The following NAB2 variants were observed in gnomAD, a reference collection of about 807,000 sequenced individuals.
The protein encoded by NAB2 is NGFI-A-binding protein 2.
In NAB2, 9 loss-of-function variants were observed where a neutral mutation model predicts 44.2. The ratio of observed to expected loss-of-function variants is 0.20; its 90% CI spans 0.12 to 0.36. The LOEUF (loss-of-function observed/expected upper bound fraction) is 0.36, where lower values mean the gene tolerates loss of function less well. Ranked by LOEUF, NAB2 falls within the 10% of genes least tolerant of loss-of-function variation. NAB2 has a pLI of 1.00. For synonymous variants in NAB2, 342 were observed against 291.0 expected, an observed-to-expected ratio of 1.18 and a Z score of -1.78; for missense variants, 514 against 709.0, an observed-to-expected ratio of 0.73 and a Z score of 3.12.
In NAB2 at chr12:57,091,815, G is replaced by A. The variant is rs756600654; in HGVS notation, c.774G>A (p.Arg258=). The A allele has an allele frequency of 2.5e-6, 4 of 1,614,092 alleles. No individual in the cohort carries two copies. The African/African-American group carries it at 4.0e-5, about 16-fold the overall frequency. The change falls in exon 2 of 7, where the codon AGG becomes AGA. Residue 258 remains arginine, a synonymous_variant. Coordinates refer to ENST00000300131, the MANE Select transcript of NAB2 (RefSeq NM_005967.4). This position sits in a 1 kb window ranked among gnomAD's most constrained non-coding sequence, Gnocchi z 7.3. ...AGAGGATCTTCCGGAGCTTCCCAAG[G>A]GGGGATGCTGGGGAGGTCACATCCC... is the stretch of plus-strand genomic sequence containing the variant. The part of the protein sequence containing the change: ...SVERIFRSFP[R]GDAGEVTSLL...
chr12:57,092,321 T>C, intron 2 of NAB2, 127 bp from the exon 3 acceptor site: 4 of 1,362,524 alleles, frequency 2.9e-6, no homozygotes, highest in East Asian at 2.3e-5. Flanking sequence ...TCCCATGTAG[T>C]GTCAAAACCA....
rs147044725 is a variant in NAB2, at chr12:57,092,080, G to A, written c.957+82G>A. ...ACCTCTGCGAGTTTCTACAGTCTCC[G>A]ACTATCTTTCATTATCTCTTGACCA... is the stretch of plus-strand genomic sequence containing the variant. On this transcript the variant is annotated intron_variant, in intron 2 of 6. Coordinates refer to ENST00000300131, the MANE Select transcript of NAB2 (RefSeq NM_005967.4). The A allele has an allele frequency of 1.4e-3, 2,109 of 1,513,694 alleles. 24 individuals carry two copies. In the African/African-American group the frequency reaches 0.021, roughly 15 times the overall value. The allele number at this position is 1,513,694 out of a possible 1,614,324, so 93.8% of individuals were successfully genotyped here.
At chr12:57,089,570 C>T (rs927923099) in intron 1 of NAB2, among the ~76,000 whole-genome samples, 24 of 152,112 alleles carry the variant, frequency 1.6e-4, no homozygotes, top group Non-Finnish European at 2.9e-5. Flanking sequence ...GTACCCAAAT[C>T]TCCATTCCTG....
At position 57,089,148 on chromosome 12, in the gene NAB2, TGGAG is replaced by T; in HGVS notation, c.-116_-113del. ...CGCGGAGGCTCGGAGAGAGAAGACG[TGGAG>T]GGAGGGACAGAGCCTGGACAGCGGT... On this transcript the variant is annotated 5_prime_UTR_variant, in exon 1 of 7. Transcript: ENST00000300131. 1.0e-6 allele frequency: 1 copy of T among 959,376 alleles called. No homozygotes were observed. The highest frequency in any genetic ancestry group is 1.5e-5 in the South Asian group (1 of 66,990). 59.4% of individuals were successfully genotyped at this position (959,376 alleles called of 1,614,324 possible).
rs1454392004 is a variant in NAB2, at chr12:57,093,443, C to T, written c.1313C>T (p.Ala438Val). The change falls in exon 6 of 7, where the codon GCT (alanine) becomes GTT (valine). Residue 438 changes from alanine (A) to valine (V), a missense_variant. Coordinates refer to ENST00000300131, the MANE Select transcript of NAB2 (RefSeq NM_005967.4). ...GSCPRLTPPP[A>V]DLPLALPAHG... Reference sequence around the variant, plus strand: ...TGTCCAAGGCTGACGCCGCCCCCTGCTGACCTGCCTCTGGCATTGCCAGCC... The same window carrying T: ...TGTCCAAGGCTGACGCCGCCCCCTGTTGACCTGCCTCTGGCATTGCCAGCC... 1 of 1,597,198 alleles carries T rather than the reference C, an allele frequency of 6.3e-7. No homozygotes were observed. Among genetic ancestry groups the T allele is most frequent in the Non-Finnish European group, 8.5e-7 (1 of 1,172,602 alleles).
At chr12:57,090,778 G>A (rs1361560165) in intron 1 of NAB2, among the ~76,000 whole-genome samples, 1 of 152,244 alleles carries the variant, frequency 6.6e-6, no homozygotes, top group African/African-American at 2.4e-5. Context: ...GGGAGGTCCA[G>A]CCATCCCAGG....
At position 57,092,454 on chromosome 12, in the gene NAB2, A is replaced by G. The variant is rs1478931559; in HGVS notation, c.964A>G (p.Ile322Val). Reference sequence around the variant, plus strand: ...GGCTGCCCTCCCTCCACAGCTCACCATCAACGAGGCTGCTGCCCAGTTCTG... The same window carrying G: ...GGCTGCCCTCCCTCCACAGCTCACCGTCAACGAGGCTGCTGCCCAGTTCTG... ...GKQLSLHELT[I>V]NEAAAQFCMR... Residue 322 changes from isoleucine (I) to valine (V), a missense_variant, in exon 3 of 7, where the codon ATC becomes GTC. Physicochemically the swap from Ile to Val is conservative, Grantham distance 29. Coordinates refer to ENST00000300131, the MANE Select transcript of NAB2 (RefSeq NM_005967.4). The G allele has an allele frequency of 6.2e-7, 1 of 1,614,116 alleles. No individual in the cohort carries two copies. The highest frequency in any genetic ancestry group is 8.5e-7 in the Non-Finnish European group (1 of 1,179,976).
chr12:57,092,999 T>G, intron 4 of NAB2, 31 bp downstream of exon 4: 1 of 1,614,164 alleles, frequency 6.2e-7, no homozygotes, highest in Non-Finnish European at 8.5e-7. Flanking sequence ...ATAGGGGCAC[T>G]GGGCAGCCTT....
intron 6 of NAB2, among the ~76,000 whole-genome samples, chr12:57,094,213 A>G (rs1388541235): frequency 7.0e-6 from 1 of 141,898 alleles, no homozygotes; most frequent in Non-Finnish European, 1.5e-5. Context: ...GGCTACCAAA[A>G]AACTTGGGGG....
At chr12:57,093,010 C>T in intron 4 of NAB2, 42 bp downstream of exon 4, 1 of 1,614,154 alleles carries the variant, frequency 6.2e-7, no homozygotes, top group Non-Finnish European at 8.5e-7. Flanking sequence ...GGGCAGCCTT[C>T]CCCAATCCCC....
At chr12:57,092,728 G>A in intron 3 of NAB2, 147 bp downstream of exon 3, 1 of 1,325,922 alleles carries the variant, frequency 7.5e-7, no homozygotes, top group South Asian at 1.4e-5. Context: ...TCTCAGGTCT[G>A]GTCTCTCCTC....
intron 6 of NAB2, 59 bp downstream of exon 6, chr12:57,093,657 A>G: frequency 1.4e-6 from 2 of 1,418,858 alleles, no homozygotes; most frequent in Non-Finnish European, 1.8e-6. Context: ...CCACACAGCA[A>G]TTCTGGTGTC....
chr12:57,094,121 G>A (rs1416241732), intron 6 of NAB2, among the ~76,000 whole-genome samples: 5 of 151,942 alleles, frequency 3.3e-5, no homozygotes, highest in Admixed American at 6.6e-5. Flanking sequence ...GTGCGTGGGT[G>A]GGAAGTGGGG....
Position 57,093,533 on chromosome 12 carries a change from G to T in NAB2, c.1403G>T (p.Arg468Leu). The T allele has an allele frequency of 1.9e-6, 3 of 1,558,150 alleles. No individual in the cohort carries two copies. Among genetic ancestry groups the T allele is most frequent in the Non-Finnish European group, 1.7e-6 (2 of 1,152,910 alleles). Residue 468 changes from arginine to leucine, a missense_variant, in exon 6 of 7, where the codon CGC (arginine) becomes CTC (leucine). Arg to Leu is a moderately radical substitution (Grantham distance 102). Coordinates refer to ENST00000300131, the MANE Select transcript of NAB2 (RefSeq NM_005967.4). ...ATGGACGAGGGGCTGCGGCTCGCCCGCCTCGTCTCCCACGACCGCGTGGGC... is the reference window on the plus strand; with the variant it reads ...ATGGACGAGGGGCTGCGGCTCGCCCTCCTCGTCTCCCACGACCGCGTGGGC... ...TLMDEGLRLARLVSHDRVGRL... is the reference protein window; with the variant it reads ...TLMDEGLRLALLVSHDRVGRL...
rs138572618 is a variant in NAB2 at position 57,091,442 on chromosome 12, C to G, written c.401C>G (p.Ala134Gly). ...SIPLFKISET[A>G]GTRKGSMSNG... is the part of the protein sequence containing the mutation. ...CCGCTCTTCAAGATCTCTGAGACTG[C>G]GGGTACCCGGAAAGGGAGCATGAGC... Residue 134 changes from alanine (A) to glycine (G), a missense_variant, in exon 2 of 7, where the codon GCG (alanine) becomes GGG (glycine). By Grantham distance (60) the Ala-to-Gly change is moderately conservative. Coordinates refer to ENST00000300131, the MANE Select transcript of NAB2 (RefSeq NM_005967.4). This position sits in a 1 kb window ranked among gnomAD's most constrained non-coding sequence, Gnocchi z 7.3. 6.2e-7 allele frequency: 1 copy of G among 1,614,152 alleles called. No homozygotes were observed. Among genetic ancestry groups the G allele is most frequent in the Non-Finnish European group, 8.5e-7 (1 of 1,180,038 alleles).
At position 57,091,861 on chromosome 12, in the gene NAB2, C is replaced by G. The variant is rs746650811; in HGVS notation, c.820C>G (p.Leu274Val). 10 of 1,614,190 alleles carry G rather than the reference C, an allele frequency of 6.2e-6. No homozygotes were observed. Among genetic ancestry groups the G allele is most frequent in the East Asian group, 2.2e-5 (1 of 44,890 alleles). ...ATCCCTGCTAAAGCTGAATAAGAAG[C>G]TGGCACGGAGCGTTGGGCACATCTT... is the stretch of plus-strand genomic sequence containing the variant. ...VTSLLKLNKKLARSVGHIFEM... is the reference protein window; with the variant it reads ...VTSLLKLNKKVARSVGHIFEM... Residue 274 changes from leucine (L) to valine (V), a missense_variant, in exon 2 of 7, where the codon CTG becomes GTG. Physicochemically the swap from Leu to Val is conservative, Grantham distance 32 (BLOSUM62 1). Transcript: ENST00000300131. This position sits in a 1 kb window ranked among gnomAD's most constrained non-coding sequence, Gnocchi z 7.3.
chr12:57,089,131 C>T lies in NAB2; in HGVS notation c.-141C>T. ...AGAGGCACAGACAGAGGCGCGGAGGCTCGGAGAGAGAAGACGTGGAGGGAG... is the reference window on the plus strand; with the variant it reads ...AGAGGCACAGACAGAGGCGCGGAGGTTCGGAGAGAGAAGACGTGGAGGGAG... On this transcript the variant is annotated 5_prime_UTR_variant, in exon 1 of 7. Coordinates refer to ENST00000300131, the MANE Select transcript of NAB2 (RefSeq NM_005967.4). 1.1e-6 allele frequency: 1 copy of T among 880,544 alleles called. No homozygotes were observed. Among genetic ancestry groups the T allele is most frequent in the Non-Finnish European group, 1.7e-6 (1 of 574,388 alleles). The allele number at this position is 880,544 out of a possible 1,614,324, so 54.5% of individuals were successfully genotyped here. A position where few individuals can be genotyped will look rare whatever the true frequency, so the allele number is the denominator to read the frequency against.
Position 57,089,398 on chromosome 12 carries a change from G to C in NAB2, c.83+44G>C. On this transcript the variant is annotated intron_variant, in intron 1 of 6. Transcript: ENST00000300131. Reference sequence around the variant, plus strand: ...GCAGCGGGGAGTGGAGATGGGTGGAGCTGGACTTGGGAATGGGGTCCAGAG... The same window carrying C: ...GCAGCGGGGAGTGGAGATGGGTGGACCTGGACTTGGGAATGGGGTCCAGAG... 2.0e-6 allele frequency: 3 copies of C among 1,536,308 alleles called. No homozygotes were observed. In the South Asian group the frequency reaches 3.6e-5, roughly 18 times the overall value.
intron 1 of NAB2, among the ~76,000 whole-genome samples, 198 bp downstream of exon 1, chr12:57,089,552 A>G (rs561379228): frequency 3.9e-4 from 60 of 152,210 alleles, no homozygotes; most frequent in Admixed American, 1.5e-3. Context: ...GCTGGATATG[A>G]AAGAGTAGTA....
Sources: allele counts gnomAD v4.1 joint callset (sites outside exome capture counted in the v4.1 genomes callset), GRCh38; gene constraint gnomAD v4.1.1; non-coding constraint Gnocchi (gnomAD v3.1); transcripts MANE v1.5; gene names NCBI Gene and HGNC (gene_info 2026-07-23, HGNC 2026-07-21).